OCA2: variants seen among roughly 807,000 people sequenced by gnomAD.
OCA2 encodes the protein OCA2 melanosomal transmembrane protein.
A neutral mutation model predicts 100.2 loss-of-function variants in OCA2; 77 were observed. That is an observed-to-expected ratio of 0.77 (90% CI 0.64 to 0.93). The LOEUF is 0.93. OCA2 is among the 40% of genes least tolerant of loss of function. The probability of loss-of-function intolerance (pLI) is 0.00; values close to 1 mark genes in which losing one functional copy is unlikely to be tolerated. For synonymous variants in OCA2, 432 were observed against 439.2 expected, an observed-to-expected ratio of 0.98 and a Z score of 0.21; for missense variants, 1,062 against 1,089.1, an observed-to-expected ratio of 0.98 and a Z score of 0.35.
In OCA2 at chr15:27,825,892, T is replaced by C. The variant is rs16950437; in HGVS notation, c.2432+19067A>G. Among the ~76,000 whole-genome samples the C allele has an allele frequency of 4.2e-3, 646 of 152,350 alleles. 5 individuals carry two copies. Among genetic ancestry groups the C allele is most frequent in the African/African-American group, 0.015 (614 of 41,578 alleles). ...AATGAGGAACCATTTCTACTTTAGCTTCACAGTGCACTATCTGAATTTGTG... is the reference window on the plus strand; with the variant it reads ...AATGAGGAACCATTTCTACTTTAGCCTCACAGTGCACTATCTGAATTTGTG... On this transcript the variant is annotated intron_variant, in intron 23 of 23. Transcript: ENST00000354638.
intron 9 of OCA2, among the ~76,000 whole-genome samples, chr15:28,011,548 C>A (rs2042239817): frequency 6.6e-6 from 1 of 151,442 alleles, no homozygotes; most frequent in South Asian, 2.1e-4. Flanking sequence ...AAAAGAAAAC[C>A]AATCTTTGGA....
intron 23 of OCA2, among the ~76,000 whole-genome samples, chr15:27,786,108 T>A (rs780920768): frequency 1.4e-4 from 21 of 152,190 alleles, no homozygotes; most frequent in Admixed American, 1.3e-4. Context: ...TCCAGCACCG[T>A]TTGTTTAAAT....
At chr15:27,872,024 G>C in intron 19 of OCA2, 102 bp from the exon 20 acceptor site, 1 of 833,056 alleles carries the variant, frequency 1.2e-6, no homozygotes, top group South Asian at 1.4e-5. Context: ...CATAAGGTAG[G>C]CCCAGATTCC....
chr15:27,926,950 G>C (rs577989994), intron 18 of OCA2, among the ~76,000 whole-genome samples: 2 of 152,180 alleles, frequency 1.3e-5, no homozygotes, highest in East Asian at 3.9e-4. Flanking sequence ...TCAATAGACA[G>C]ATCATCCAGA....
At chr15:28,026,464 A>G (rs2042750282) in intron 4 of OCA2, among the ~76,000 whole-genome samples, 2 of 152,142 alleles carry the variant, frequency 1.3e-5, no homozygotes. Flanking sequence ...TTCATTGGCC[A>G]AATGTTTATT....
intron 19 of OCA2, among the ~76,000 whole-genome samples, chr15:27,893,403 T>G (rs1028899373): frequency 6.6e-6 from 1 of 152,178 alleles, no homozygotes; most frequent in Non-Finnish European, 1.5e-5. Context: ...TAACAGCGAT[T>G]TTTATGGAAC....
chr15:28,079,110 C>T (rs1447016400), intron 2 of OCA2, among the ~76,000 whole-genome samples: 1 of 152,158 alleles, frequency 6.6e-6, no homozygotes, highest in African/African-American at 2.4e-5. Flanking sequence ...CTTTTCAACG[C>T]AGTCTGAAGC....
chr15:27,990,233 C>T (rs2041506614), intron 10 of OCA2, among the ~76,000 whole-genome samples: 1 of 152,212 alleles, frequency 6.6e-6, no homozygotes, highest in Admixed American at 6.5e-5. Context: ...CTGACTCCCA[C>T]CTTTCTGCAC....
intron 23 of OCA2, among the ~76,000 whole-genome samples, chr15:27,781,566 A>G (rs1044352096): frequency 1.3e-5 from 2 of 152,220 alleles, no homozygotes; most frequent in African/African-American, 4.8e-5. Context: ...TTAAACCAAG[A>G]TCCTTAAATC....
At chr15:27,753,642 C>T (rs1401026806), downstream of OCA2, among the ~76,000 whole-genome samples, 1 of 151,912 alleles carries the variant, frequency 6.6e-6, no homozygotes, top group African/African-American at 2.4e-5. Context: ...GAGGCTGAGG[C>T]AGGAGAATGG....
chr15:27,855,419 C>A (rs1272255907), intron 21 of OCA2, among the ~76,000 whole-genome samples: 1 of 152,204 alleles, frequency 6.6e-6, no homozygotes, highest in East Asian at 1.9e-4. Context: ...CCTGCCACTT[C>A]TGTGCAGTTG....
At chr15:28,077,005 G>A (rs1411679919) in intron 2 of OCA2, among the ~76,000 whole-genome samples, 1 of 151,760 alleles carries the variant, frequency 6.6e-6, no homozygotes, top group South Asian at 2.1e-4. Context: ...AAAGCAAATG[G>A]GAAAGAGAGA....
At chr15:28,042,977 G>A (rs1004797203) in intron 2 of OCA2, among the ~76,000 whole-genome samples, 3 of 152,128 alleles carry the variant, frequency 2.0e-5, no homozygotes, top group East Asian at 1.9e-4. Context: ...ATTACAGAGG[G>A]TGCAAATTAA....
At chr15:27,996,011 C>T (rs4778225) in intron 9 of OCA2, among the ~76,000 whole-genome samples, 91,445 of 151,832 alleles carry the variant, frequency 0.6, 31,730 homozygotes, top group Non-Finnish European at 0.79. Flanking sequence ...CGGGGTTTCA[C>T]TGTGTTGGCC....
intron 18 of OCA2, among the ~76,000 whole-genome samples, chr15:27,947,776 AGGAT>A (rs1415089312): frequency 2.0e-5 from 3 of 152,152 alleles, no homozygotes. Context: ...GCAGCCTTGC[AGGAT>A]GGAGCCCCAG....
chr15:27,837,892 A>G (rs1177487529), intron 23 of OCA2, among the ~76,000 whole-genome samples: 1 of 151,826 alleles, frequency 6.6e-6, no homozygotes, highest in Admixed American at 6.6e-5. Context: ...TGAAAAAAAA[A>G]AAAAAAAGAA....
intron 21 of OCA2, among the ~76,000 whole-genome samples, chr15:27,863,052 G>T (rs1359042886): frequency 6.6e-6 from 1 of 152,200 alleles, no homozygotes; most frequent in Non-Finnish European, 1.5e-5. Context: ...TGGCCGAGAA[G>T]GCACTAACCA....
At chr15:27,850,435 TCCTGTTC>T (rs2035704727) in intron 22 of OCA2, among the ~76,000 whole-genome samples, 1 of 152,190 alleles carries the variant, frequency 6.6e-6, no homozygotes, top group African/African-American at 2.4e-5. Flanking sequence ...TGTCCTTGGA[TCCTGTTC>T]CTTATTGTTG....
chr15:27,730,789 C>A, the OCA2 span, among the ~76,000 whole-genome samples: 22 of 128,954 alleles, frequency 1.7e-4, no homozygotes, highest in East Asian at 2.3e-4. Flanking sequence ...GTTTTTTTTT[C>A]AAATTATATC....
Sources: gnomAD v4.1 joint callset for allele counts (sites outside exome capture counted in the v4.1 genomes callset) on GRCh38, gnomAD v4.1.1 for gene constraint, MANE v1.5 for transcripts, NCBI Gene and HGNC (gene_info 2026-07-23, HGNC 2026-07-21) for gene names.